The following ITGAM variants were observed in gnomAD, a reference collection of about 807,000 sequenced individuals.
ITGAM encodes the protein integrin subunit alpha M.
ITGAM carries 79 observed loss-of-function variants against 137.5 expected under a neutral mutation model. That is an observed-to-expected ratio of 0.57 (90% CI 0.48 to 0.69). The LOEUF is 0.69. Ranked by LOEUF, ITGAM falls within the 30% of genes least tolerant of loss-of-function variation. The pLI is 0.00. For missense variants in ITGAM, 1,343 were observed against 1,483.5 expected (o/e 0.91, Z 1.56); for synonymous variants, 583 against 592.3 (o/e 0.98, Z 0.23).
In ITGAM at chr16:31,265,458, C is replaced by T. The variant is rs369704125; in HGVS notation, c.198C>T (p.Cys66=). 18 of 1,606,974 alleles carry T rather than the reference C, an allele frequency of 1.1e-5. No homozygotes were observed. Among genetic ancestry groups the T allele is most frequent in the Admixed American group, 3.4e-5 (2 of 59,070 alleles). Residue 66 remains cysteine (C), a synonymous_variant, in exon 3 of 30, where the codon TGC becomes TGT. Coordinates refer to ENST00000544665, the MANE Select transcript of ITGAM (RefSeq NM_000632.4). ...ACCAAAGGGGCAGCCTCTACCAGTG[C>T]GACTACAGCACAGGCTCATGCGAGC... ...AANQRGSLYQ[C]DYSTGSCEPI...
intron 12 of ITGAM, among the ~76,000 whole-genome samples, chr16:31,293,906 AT>A (rs2080109393): frequency 6.6e-6 from 1 of 152,038 alleles, no homozygotes; most frequent in Non-Finnish European, 1.5e-5. Context: ...GTCATCTCTG[AT>A]TTCTTTGAAC....
chr16:31,265,551 G>A (rs930973475), intron 3 of ITGAM, 53 bp downstream of exon 3: 2 of 1,196,060 alleles, frequency 1.7e-6, no homozygotes, highest in African/African-American at 1.5e-5. Context: ...GAACACATAG[G>A]GACTTTCCAG....
At chr16:31,266,971 G>A (rs1801330902) in intron 5 of ITGAM, among the ~76,000 whole-genome samples, 2 of 151,672 alleles carry the variant, frequency 1.3e-5, no homozygotes, top group Non-Finnish European at 1.5e-5. Flanking sequence ...AGGTTCAAGC[G>A]ATTCTCCTGC....
intron 14 of ITGAM, among the ~76,000 whole-genome samples, chr16:31,300,013 C>G (rs2080181924): frequency 1.3e-5 from 2 of 152,134 alleles, no homozygotes; most frequent in African/African-American, 4.8e-5. Context: ...CCCATTCCAC[C>G]ATGCCTGTCT....
chr16:31,302,443 C>CTTTCTT (rs2080211540), intron 14 of ITGAM, among the ~76,000 whole-genome samples: 1 of 96,000 alleles, frequency 1.0e-5, no homozygotes, highest in Non-Finnish European at 2.0e-5. Context: ...TTCTTTCTTT[C>CTTTCTT]TTTCTTTCTT....
intron 14 of ITGAM, among the ~76,000 whole-genome samples, chr16:31,308,060 T>C (rs1269611797): frequency 2.0e-5 from 3 of 152,140 alleles, no homozygotes; most frequent in Non-Finnish European, 2.9e-5. Flanking sequence ...CAGTATTTTA[T>C]TGAGGATTTT....
intron 14 of ITGAM, among the ~76,000 whole-genome samples, chr16:31,305,513 G>A (rs1220333773): frequency 6.6e-6 from 1 of 152,150 alleles, no homozygotes; most frequent in East Asian, 1.9e-4. Flanking sequence ...AGTGCTGAAA[G>A]TGGGCATTCT....
At chr16:31,280,914 G>A (rs1010220251) in intron 12 of ITGAM, among the ~76,000 whole-genome samples, 15 of 152,134 alleles carry the variant, frequency 9.9e-5, no homozygotes, top group Non-Finnish European at 1.8e-4. Flanking sequence ...TTTATTTAGA[G>A]TTTTCAGCAT....
chr16:31,279,687 T>A (rs1184409282), intron 12 of ITGAM, among the ~76,000 whole-genome samples: 1 of 152,222 alleles, frequency 6.6e-6, no homozygotes, highest in Non-Finnish European at 1.5e-5. Flanking sequence ...ATTCTGTAGG[T>A]GGCCTGTTCA....
chr16:31,297,392 A>G, intron 12 of ITGAM, 122 bp from the exon 13 acceptor site: 1 of 1,261,888 alleles, frequency 7.9e-7, no homozygotes, highest in Non-Finnish European at 1.1e-6. Flanking sequence ...TGAACCATAT[A>G]GAAGATCACA....
At chr16:31,294,982 C>T (rs1311514369) in intron 12 of ITGAM, among the ~76,000 whole-genome samples, 1 of 152,108 alleles carries the variant, frequency 6.6e-6, no homozygotes, top group Non-Finnish European at 1.5e-5. Context: ...AAGAGAATGT[C>T]CTTTCTCCTT....
intron 14 of ITGAM, among the ~76,000 whole-genome samples, chr16:31,318,288 CTG>C (rs1426785517): frequency 1.3e-5 from 2 of 151,126 alleles, no homozygotes; most frequent in Admixed American, 1.3e-4. Context: ...TTTTACTTAT[CTG>C]TTGTTTCTGT....
rs1567285197 is a variant in ITGAM at position 31,331,893 on chromosome 16, ACATGTGTG to A, written c.*188_*195del. 18 of 552,342 alleles carry A rather than the reference ACATGTGTG, an allele frequency of 3.3e-5. 1 individual carries two copies. Among genetic ancestry groups the A allele is most frequent in the Admixed American group, 1.4e-4 (4 of 27,656 alleles). 34.2% of individuals were successfully genotyped at this position (552,342 alleles called of 1,614,324 possible). A position where few individuals can be genotyped will look rare whatever the true frequency, so the allele number is the denominator to read the frequency against. The stretch of plus-strand genomic sequence containing the variant: ...CAAGTGTCTGTGTGCAAGTGTGTGC[ACATGTGTG>A]CGTGTGCGTGCATGTGCACTTGCAC... On this transcript the variant is annotated 3_prime_UTR_variant, in exon 30 of 30. Transcript: ENST00000544665.
intron 14 of ITGAM, among the ~76,000 whole-genome samples, chr16:31,316,301 T>C (rs2080391553): frequency 2.1e-5 from 3 of 144,458 alleles, no homozygotes; most frequent in South Asian, 2.2e-4. Flanking sequence ...GGCAGGAGAA[T>C]GGGGGAACCT....
At chr16:31,325,778 A>C (rs1044070835) in intron 21 of ITGAM, among the ~76,000 whole-genome samples, 156 bp downstream of exon 21, 1 of 152,116 alleles carries the variant, frequency 6.6e-6, no homozygotes, top group Non-Finnish European at 1.5e-5. Flanking sequence ...TAAAGCATAC[A>C]TTTCAAGCCC....
chr16:31,288,566 T>G (rs2080053063), intron 12 of ITGAM, among the ~76,000 whole-genome samples: 1 of 152,182 alleles, frequency 6.6e-6, no homozygotes. Context: ...TGTAGAAAGC[T>G]GAAACTGGAT....
At chr16:31,314,821 G>GTTTTT (rs369241453) in intron 14 of ITGAM, among the ~76,000 whole-genome samples, 1 of 130,874 alleles carries the variant, frequency 7.6e-6, no homozygotes, top group Non-Finnish European at 1.6e-5. Flanking sequence ...AGGAGGCAGG[G>GTTTTT]TTTTTTTTTT....
chr16:31,331,017 G>A (rs76133734), intron 28 of ITGAM, 148 bp from the exon 29 acceptor site: 15,680 of 601,580 alleles, frequency 0.026, 275 homozygotes, highest in Non-Finnish European at 0.035. Context: ...AGAGGAGGGA[G>A]AAGAGGTGGG....
intron 14 of ITGAM, among the ~76,000 whole-genome samples, chr16:31,319,959 C>T (rs1402193366): frequency 6.6e-6 from 1 of 151,890 alleles, no homozygotes; most frequent in Non-Finnish European, 1.5e-5. Flanking sequence ...ACTACAGGTG[C>T]CCACCACCTC....
Sources: gnomAD v4.1 joint callset for allele counts (sites outside exome capture counted in the v4.1 genomes callset) on GRCh38, gnomAD v4.1.1 for gene constraint, MANE v1.5 for transcripts, NCBI Gene and HGNC (gene_info 2026-07-23, HGNC 2026-07-21) for gene names.